NEK10: variants seen among roughly 807,000 people sequenced by gnomAD.
NEK10 encodes the protein NIMA related kinase 10.
In NEK10, 122 loss-of-function variants were observed where a neutral mutation model predicts 159.8. That is an observed-to-expected ratio of 0.76 (90% CI 0.66 to 0.89). The LOEUF is 0.89. Ranked by LOEUF, NEK10 falls within the 40% of genes least tolerant of loss-of-function variation. The probability of loss-of-function intolerance (pLI) is 0.00; values close to 1 mark genes in which losing one functional copy is unlikely to be tolerated. For synonymous variants in NEK10, 466 were observed against 457.1 expected, an observed-to-expected ratio of 1.02 and a Z score of -0.25; for missense variants, 1,342 against 1,323.1, an observed-to-expected ratio of 1.01 and a Z score of -0.22.
intron 23 of NEK10, chr3:27,215,030 C>T (rs1951369348): frequency 6.7e-6 from 4 of 598,222 alleles, no homozygotes; most frequent in Non-Finnish European, 1.3e-5. Context: ...CTGTTCCCCA[C>T]CGGCGCCTCC....
intron 28 of NEK10, among the ~76,000 whole-genome samples, chr3:27,173,361 C>G (rs1325703264): frequency 6.6e-6 from 1 of 152,136 alleles, no homozygotes; most frequent in Non-Finnish European, 1.5e-5. Flanking sequence ...GAACTTATCT[C>G]AAAACAGTCA....
In NEK10 at chr3:27,254,427, T is replaced by A. The variant is rs1310122168; in HGVS notation, c.2090+1869A>T. ...AATAGTGTTTCCTGGGACCTCCTCC[T>A]AAATAAACAATTTCACTCAAATTCT... On this transcript the variant is annotated intron_variant, in intron 23 of 35. Coordinates refer to ENST00000691995, the MANE Select transcript of NEK10 (RefSeq NM_001394966.1). 2.0e-5 allele frequency among the ~76,000 whole-genome samples: 3 copies of A among 152,174 alleles called. No individual in the cohort carries two copies. In the South Asian group the frequency reaches 6.2e-4, roughly 32 times the overall value.
rs1379735452 is a variant in NEK10, at chr3:27,256,910, CTCTTTTT to C, written c.2015-546_2015-540del. Reference sequence around the variant, plus strand: ...ATCTTCAGGTACTTCTCTTTTTTCTCTCTTTTTTTTTTTTTTTTTTTTTGAGACAGAA... The same window carrying C: ...ATCTTCAGGTACTTCTCTTTTTTCTCTTTTTTTTTTTTTTTTGAGACAGAA... On this transcript the variant is annotated intron_variant, in intron 22 of 35. Transcript: ENST00000691995. 4.4e-5 allele frequency among the ~76,000 whole-genome samples: 6 copies of C among 137,152 alleles called. No individual in the cohort carries two copies. The East Asian group carries it at 1.2e-3, about 28-fold the overall frequency. The allele number at this position is 137,152 out of a possible 152,430, so 90.0% of individuals were successfully genotyped here. A position where few individuals can be genotyped will look rare whatever the true frequency, so the allele number is the denominator to read the frequency against.
intron 11 of NEK10, among the ~76,000 whole-genome samples, chr3:27,306,977 C>T (rs1032488681): frequency 1.3e-5 from 2 of 152,326 alleles, no homozygotes; most frequent in South Asian, 4.1e-4. Flanking sequence ...GGAAACTTTG[C>T]ATGACTCCAC....
chr3:27,310,124 T>C (rs2044573216), intron 9 of NEK10: 1 of 152,210 alleles, frequency 6.6e-6, no homozygotes, highest in African/African-American at 2.4e-5. Flanking sequence ...TTTATCTTAA[T>C]GAAGTTATCA....
intron 23 of NEK10, among the ~76,000 whole-genome samples, chr3:27,213,059 A>T (rs1951161973): frequency 6.6e-6 from 1 of 152,262 alleles, no homozygotes; most frequent in African/African-American, 2.4e-5. Context: ...TACACCAAGT[A>T]ACCAATGGAA....
rs9837374 is a variant in NEK10, at chr3:27,242,420, T to G, written c.2090+13876A>C. ...CATAACAACCCTATGTTGTAGAAAT[T>G]ATCATTACTGCCCTCTGCCCCCATT... On this transcript the variant is annotated intron_variant, in intron 23 of 35. Transcript: ENST00000691995. Among the ~76,000 whole-genome samples, 588 of 152,268 alleles carry G rather than the reference T, an allele frequency of 3.9e-3. 7 individuals are homozygous for G. The highest frequency in any genetic ancestry group is 0.013 in the African/African-American group (538 of 41,556).
rs1460023663 is a variant in NEK10 at position 27,141,502 on chromosome 3, T to C, written c.2950A>G (p.Lys984Glu). The C allele has an allele frequency of 6.2e-7, 1 of 1,612,940 alleles. No homozygotes were observed. Residue 984 changes from lysine to glutamate, a missense_variant, in exon 31 of 36, where the codon AAA becomes GAA. Coordinates refer to ENST00000691995, the MANE Select transcript of NEK10 (RefSeq NM_001394966.1). The stretch of plus-strand genomic sequence containing the variant: ...CTGACCTGTGTGATATAGATTATTT[T>C]GTGCAGCTGAATTAATATCTGCTGA... Reference protein sequence around the residue: ...PIQQILIQLHKIIYITQLPPA... With the variant: ...PIQQILIQLHEIIYITQLPPA...
At chr3:27,145,242 G>A (rs1211738248) in intron 30 of NEK10, among the ~76,000 whole-genome samples, 1 of 152,010 alleles carries the variant, frequency 6.6e-6, no homozygotes, top group East Asian at 1.9e-4. Flanking sequence ...CACAGTTCAT[G>A]TGCAATGTCA....
chr3:27,148,830 T>C (rs1034853881), intron 30 of NEK10, among the ~76,000 whole-genome samples: 6 of 152,096 alleles, frequency 3.9e-5, no homozygotes, highest in African/African-American at 1.4e-4. Context: ...TGAGTGTGAG[T>C]TGCCATTTAA....
At chr3:27,286,642 G>A (rs2042638129) in intron 20 of NEK10, among the ~76,000 whole-genome samples, 1 of 145,204 alleles carries the variant, frequency 6.9e-6, no homozygotes, top group Admixed American at 7.1e-5. Context: ...CGCCAGCCTC[G>A]GCCTCCCAAA....
chr3:27,130,032 C>A (rs1942427589), intron 32 of NEK10, among the ~76,000 whole-genome samples: 1 of 152,056 alleles, frequency 6.6e-6, no homozygotes, highest in African/African-American at 2.4e-5. Context: ...AAGGTATCAT[C>A]CAACTTCATG....
chr3:27,334,493 G>A (rs1006808058), intron 5 of NEK10, among the ~76,000 whole-genome samples: 1 of 152,258 alleles, frequency 6.6e-6, no homozygotes, highest in East Asian at 1.9e-4. Context: ...CCCCAGGATA[G>A]GCATGATATC....
chr3:27,148,426 A>G (rs949240584), intron 30 of NEK10, among the ~76,000 whole-genome samples: 2 of 152,212 alleles, frequency 1.3e-5, no homozygotes, highest in Non-Finnish European at 2.9e-5. Context: ...GAATAATTTG[A>G]TTAGATGTCC....
chr3:27,238,452 GA>G (rs1954188366), intron 23 of NEK10, among the ~76,000 whole-genome samples: 1 of 152,064 alleles, frequency 6.6e-6, no homozygotes, highest in Non-Finnish European at 1.5e-5. Context: ...TTTCTAATAA[GA>G]AAACAATATA....
Position 27,346,192 on chromosome 3 carries a change from C to T in NEK10, c.157G>A (p.Ala53Thr), listed in dbSNP as rs1037042467. 1 of 1,613,700 alleles carries T rather than the reference C, an allele frequency of 6.2e-7. No individual in the cohort carries two copies. ...TCAGACTTCGTCATGCTATTTTGGG[C>T]ACTATCGAAGTTAATGGCTGGAAGC... Reference protein sequence around the residue: ...QQLPAINFDSAQNSMTKSEPA... With the variant: ...QQLPAINFDSTQNSMTKSEPA... The change falls in exon 4 of 36, where the codon GCC becomes ACC. Residue 53 changes from alanine (A) to threonine (T), a missense_variant. Ala to Thr is a moderately conservative substitution (Grantham distance 58). Transcript: ENST00000691995.
intron 22 of NEK10, among the ~76,000 whole-genome samples, chr3:27,257,414 C>A (rs1956315255): frequency 6.6e-6 from 1 of 152,194 alleles, no homozygotes; most frequent in South Asian, 2.1e-4. Flanking sequence ...TTGTAAAGCA[C>A]AGCAAATGCT....
At chr3:27,218,755 A>AAT (rs1951799721) in intron 23 of NEK10, among the ~76,000 whole-genome samples, 1 of 150,740 alleles carries the variant, frequency 6.6e-6, no homozygotes, top group Non-Finnish European at 1.5e-5. Flanking sequence ...AAAAAAAAAA[A>AAT]GGATCATCTT....
rs1381075699 is a variant in NEK10, at chr3:27,109,276, G to A, written c.*1996C>T. ...TGCCTGTAATCCCAGTTACTCGGGA[G>A]GCTGAGGCAGGAGAATTGCTTGAAC... On this transcript the variant is annotated 3_prime_UTR_variant, in exon 36 of 36. Transcript: ENST00000691995. 6.6e-6 allele frequency among the ~76,000 whole-genome samples: 1 copy of A among 151,942 alleles called. No homozygotes were observed.
Sources: allele counts gnomAD v4.1 joint callset (sites outside exome capture counted in the v4.1 genomes callset), GRCh38; gene constraint gnomAD v4.1.1; transcripts MANE v1.5; gene names NCBI Gene and HGNC (gene_info 2026-07-23, HGNC 2026-07-21).